Variants in ASAH1 observed in about 807,000 individuals in gnomAD.
ASAH1 encodes N-acylsphingosine amidohydrolase 1, also known as acid ceramidase.
In ASAH1, 70 loss-of-function variants were observed where a neutral mutation model predicts 59.5. The observed-to-expected ratio is 1.18, with a 90% CI of 0.97 to 1.43. The LOEUF is 1.43. Among genes scored for constraint, ASAH1 ranks in the 40% most tolerant of loss-of-function variants. The probability of loss-of-function intolerance (pLI) is 0.00; values close to 1 mark genes in which losing one functional copy is unlikely to be tolerated. For missense variants in ASAH1, 660 were observed against 482.5 expected (o/e 1.37, Z -3.45); for synonymous variants, 213 against 166.5 (o/e 1.28, Z -2.15).
At chr8:18,061,070 G>A (rs1799674644) in intron 10 of ASAH1, 5 of 301,394 alleles carry the variant, frequency 1.7e-5, no homozygotes, top group Non-Finnish European at 3.2e-5. Flanking sequence ...CCATTTAAAT[G>A]AAGATTTTAC....
chr8:18,060,807 G>A (rs1799662767), intron 10 of ASAH1: 1 of 157,392 alleles, frequency 6.4e-6, no homozygotes, highest in Non-Finnish European at 1.4e-5. Flanking sequence ...AAGTGCAGTG[G>A]ACTGATCCCA....
At chr8:18,075,285 G>C (rs1000977871) in intron 2 of ASAH1, among the ~76,000 whole-genome samples, 9 of 152,100 alleles carry the variant, frequency 5.9e-5, no homozygotes, top group African/African-American at 2.2e-4. Flanking sequence ...GAGCCACCGC[G>C]TCTGGCTGAA....
At chr8:18,067,136 G>GTGCTGTATATCTAAGACATACAGCACCTT (rs144918941) in intron 5 of ASAH1, 84 bp downstream of exon 5, 6 of 1,278,534 alleles carry the variant, frequency 4.7e-6, no homozygotes, top group East Asian at 2.5e-5. Context: ...TACAGCACCT[G>GTGCTGTATATCTAAGACATACAGCACCTT]TGCTGTATGT....
intron 4 of ASAH1, 108 bp from the exon 5 acceptor site, chr8:18,067,406 G>C: frequency 1.4e-6 from 1 of 698,546 alleles, no homozygotes; most frequent in Non-Finnish European, 2.0e-6. Context: ...CTAGTTCTTG[G>C]ACATATAATT....
At chr8:18,063,037 T>G in intron 7 of ASAH1, 148 bp downstream of exon 7, 1 of 706,912 alleles carries the variant, frequency 1.4e-6, no homozygotes, top group East Asian at 2.8e-5. Flanking sequence ...GCCTGGCTAA[T>G]TTTTATGTTT....
intron 1 of ASAH1, among the ~76,000 whole-genome samples, chr8:18,080,772 A>G (rs561045413): frequency 4.3e-4 from 66 of 152,116 alleles, no homozygotes; most frequent in African/African-American, 1.6e-3. Flanking sequence ...TGGCCAGGCT[A>G]GTCTCAAACT....
chr8:18,082,959 T>C (rs763319376), intron 1 of ASAH1, among the ~76,000 whole-genome samples: 1 of 152,218 alleles, frequency 6.6e-6, no homozygotes, highest in Non-Finnish European at 1.5e-5. Flanking sequence ...TATTTTCCTA[T>C]TACAGGAAAA....
chr8:18,083,686 G>A (rs1197038534), intron 1 of ASAH1, among the ~76,000 whole-genome samples: 2 of 152,216 alleles, frequency 1.3e-5, no homozygotes, highest in Non-Finnish European at 2.9e-5. Context: ...GCCTGGAACT[G>A]GTTATTCAAG....
At chr8:18,074,581 A>G (rs1330920978) in intron 2 of ASAH1, among the ~76,000 whole-genome samples, 1 of 152,190 alleles carries the variant, frequency 6.6e-6, no homozygotes, top group Admixed American at 6.5e-5. Context: ...AGGGCAGTGT[A>G]GGAGAAAAAG....
intron 8 of ASAH1, chr8:18,062,069 C>G (rs1338148589): frequency 5.9e-6 from 4 of 677,646 alleles, no homozygotes; most frequent in Non-Finnish European, 7.4e-6. Context: ...GCCACATGCT[C>G]TTTATCCCAG....
intron 5 of ASAH1, 73 bp from the exon 6 acceptor site, chr8:18,064,604 G>C (rs1311983004): frequency 1.1e-6 from 1 of 884,750 alleles, no homozygotes; most frequent in South Asian, 1.4e-5. Context: ...TTAAGAAAAA[G>C]TTTCAGTGTT....
chr8:18,057,527 C>T lies in ASAH1; in HGVS notation c.*7G>A, dbSNP rs1046087544. ...CAGAGGCCGCATTCTGTAGGCCAGA[C>T]GTGTGCTCACCAACCTATACAAGGG... On this transcript the variant is annotated 3_prime_UTR_variant, in exon 14 of 14. Transcript: ENST00000637790. 9.4e-6 allele frequency: 15 copies of T among 1,589,626 alleles called. No individual in the cohort carries two copies. Among genetic ancestry groups the T allele is most frequent in the African/African-American group, 4.0e-5 (3 of 74,244 alleles).
chr8:18,084,247 A>T (rs1800796843), upstream of ASAH1: 1 of 1,464,626 alleles, frequency 6.8e-7, no homozygotes, highest in Non-Finnish European at 9.0e-7. Context: ...GTGCCACGAA[A>T]AGGGTGGCGT....
At chr8:18,059,939 C>T in intron 10 of ASAH1, 3 of 428,732 alleles carry the variant, frequency 7.0e-6, no homozygotes, top group South Asian at 6.8e-5. Flanking sequence ...TTTCACCCCA[C>T]CCCCTGACAG....
At chr8:18,080,168 G>C (rs936826738) in intron 1 of ASAH1, among the ~76,000 whole-genome samples, 1 of 152,200 alleles carries the variant, frequency 6.6e-6, no homozygotes, top group African/African-American at 2.4e-5. Context: ...TGGCAACTGC[G>C]TGAAAATCAT....
rs982694640 is a variant in ASAH1 at position 18,081,047 on chromosome 8, C to T, written c.78+2934G>A. On this transcript the variant is annotated intron_variant, in intron 1 of 13. Coordinates refer to ENST00000637790, the MANE Select transcript of ASAH1 (RefSeq NM_177924.5). ...AGTGTCTCTCTTCTGAGTGCCAGTC[C>T]GAGTGGCCTGCTGGATGCCTCTCTG... 3.9e-5 allele frequency among the ~76,000 whole-genome samples: 6 copies of T among 152,240 alleles called. No individual in the cohort carries two copies. In the East Asian group the frequency reaches 1.2e-3, roughly 29 times the overall value.
chr8:18,072,927 C>A (rs1800232439), intron 2 of ASAH1, among the ~76,000 whole-genome samples: 3 of 152,062 alleles, frequency 2.0e-5, no homozygotes, highest in Admixed American at 2.0e-4. Flanking sequence ...GCCTCTATAC[C>A]CGCCATAAAT....
rs146531900 is a variant in ASAH1, at chr8:18,067,241, C to G, written c.361G>C (p.Ala121Pro). The part of the protein sequence containing the change: ...PFEEEMKGIA[A>P]VTDIPLGEII... ...TTACCTAAAGGTATATCAGTAACAG[C>G]GGCAATACCCTTCATTTCCTCTTCA... Residue 121 changes from alanine to proline, a missense_variant, in exon 5 of 14, where the codon GCT (alanine) becomes CCT (proline). Transcript: ENST00000637790. 4 of 1,589,912 alleles carry G rather than the reference C, an allele frequency of 2.5e-6. No individual in the cohort carries two copies. Among genetic ancestry groups the G allele is most frequent in the Non-Finnish European group, 3.4e-6 (4 of 1,165,300 alleles).
intron 6 of ASAH1, 74 bp downstream of exon 6, chr8:18,064,383 G>A: frequency 8.6e-7 from 1 of 1,166,414 alleles, no homozygotes; most frequent in Non-Finnish European, 1.3e-6. Context: ...AATTTCAGAA[G>A]TTCTAATTTC....
Sources: gnomAD v4.1 joint callset for allele counts (sites outside exome capture counted in the v4.1 genomes callset) on GRCh38, gnomAD v4.1.1 for gene constraint, MANE v1.5 for transcripts, NCBI Gene and HGNC (gene_info 2026-07-23, HGNC 2026-07-21) for gene names.